SLC6A7: variants seen among roughly 807,000 people sequenced by gnomAD.
SLC6A7 encodes sodium-dependent proline transporter.
Under a neutral mutation model 73.1 loss-of-function variants are expected in SLC6A7, and 58 were observed. The ratio of observed to expected loss-of-function variants is 0.79; its 90% CI spans 0.64 to 0.99. SLC6A7 has a LOEUF of 0.99. Among genes scored for constraint, SLC6A7 ranks in the 50% least tolerant of loss-of-function variants. The probability of loss-of-function intolerance (pLI) is 0.00; values close to 1 mark genes in which losing one functional copy is unlikely to be tolerated. For synonymous variants in SLC6A7, 338 were observed against 338.7 expected, an observed-to-expected ratio of 1.00 and a Z score of 0.02; for missense variants, 783 against 831.4, an observed-to-expected ratio of 0.94 and a Z score of 0.72.
chr5:150,205,758 G>A (rs1580871918), intron 13 of SLC6A7, 135 bp downstream of exon 13: 1 of 763,850 alleles, frequency 1.3e-6, no homozygotes, highest in Non-Finnish European at 2.1e-6. Flanking sequence ...TGCCTGGGCT[G>A]AGGCAGATTC....
chr5:150,209,888 C>A lies in SLC6A7; in HGVS notation c.*273C>A. Reference sequence around the variant, plus strand: ...ACTTTGCGGATGGACATATTAAGGCCAGGAGGGGAGGGACTTGCCCCAGGT... The same window carrying A: ...ACTTTGCGGATGGACATATTAAGGCAAGGAGGGGAGGGACTTGCCCCAGGT... On this transcript the variant is annotated 3_prime_UTR_variant, in exon 14 of 14. Coordinates refer to ENST00000230671, the MANE Select transcript of SLC6A7 (RefSeq NM_014228.5). 1 of 482,368 alleles carries A rather than the reference C, an allele frequency of 2.1e-6. No individual in the cohort carries two copies. The highest frequency in any genetic ancestry group is 2.3e-5 in the South Asian group (1 of 42,892). 29.9% of individuals were successfully genotyped at this position (482,368 alleles called of 1,614,324 possible). A position where few individuals can be genotyped will look rare whatever the true frequency, so the allele number is the denominator to read the frequency against.
rs372382562 is a variant in SLC6A7, at chr5:150,203,627, G to A, written c.1088-40G>A. ...CTGAGTGTGCGTATGGGAGCCCACC[G>A]CATGACCCAAGCTGCTGACCCCGTG... On this transcript the variant is annotated intron_variant, in intron 8 of 13. Coordinates refer to ENST00000230671, the MANE Select transcript of SLC6A7 (RefSeq NM_014228.5). 785 of 1,020,156 alleles carry A rather than the reference G, an allele frequency of 7.7e-4. 7 individuals carry two copies. Among genetic ancestry groups the A allele is most frequent in the South Asian group, 6.1e-3 (482 of 78,964 alleles). The allele number at this position is 1,020,156 out of a possible 1,614,324, so 63.2% of individuals were successfully genotyped here. A position where few individuals can be genotyped will look rare whatever the true frequency, so the allele number is the denominator to read the frequency against.
At chr5:150,208,461 A>G (rs1753805718) in intron 13 of SLC6A7, among the ~76,000 whole-genome samples, 1 of 152,140 alleles carries the variant, frequency 6.6e-6, no homozygotes, top group South Asian at 2.1e-4. Flanking sequence ...TCAGGGAGGT[A>G]GGCAGGGGCC....
chr5:150,198,072 A>AAAG (rs1753135923), intron 4 of SLC6A7, among the ~76,000 whole-genome samples: 1 of 93,886 alleles, frequency 1.1e-5, no homozygotes, highest in African/African-American at 4.7e-5. Flanking sequence ...AGAAAGAAAG[A>AAAG]AAGAAAGAAA....
intron 1 of SLC6A7, among the ~76,000 whole-genome samples, chr5:150,191,500 G>A (rs1250432859): frequency 6.7e-6 from 1 of 150,254 alleles, no homozygotes; most frequent in Admixed American, 6.6e-5. Context: ...GTGTGATCTC[G>A]GCTCACTGCA....
At chr5:150,205,267 C>T (rs1265248151) in intron 12 of SLC6A7, among the ~76,000 whole-genome samples, 189 bp from the exon 13 acceptor site, 2 of 85,814 alleles carry the variant, frequency 2.3e-5, no homozygotes, top group Non-Finnish European at 2.3e-5. Flanking sequence ...GGGTCAGCTT[C>T]AAGATGGGCT....
intron 1 of SLC6A7, among the ~76,000 whole-genome samples, chr5:150,194,198 G>C (rs1179223203): frequency 6.6e-6 from 1 of 152,148 alleles, no homozygotes; most frequent in Non-Finnish European, 1.5e-5. Flanking sequence ...GGGAGGCCGA[G>C]GCGGGTGGAT....
At chr5:150,199,547 C>T (rs1178894658) in intron 5 of SLC6A7, among the ~76,000 whole-genome samples, 181 bp downstream of exon 5, 1 of 152,134 alleles carries the variant, frequency 6.6e-6, no homozygotes, top group African/African-American at 2.4e-5. Flanking sequence ...GGTGAGGACG[C>T]ACGGGGGCAA....
chr5:150,196,794 A>G lies in SLC6A7; in HGVS notation c.296A>G (p.Gln99Arg). 6.2e-7 allele frequency: 1 copy of G among 1,614,036 alleles called. No homozygotes were observed. The highest frequency in any genetic ancestry group is 8.5e-7 in the Non-Finnish European group (1 of 1,179,958). ...TTCTTCCTGGAGCTCTCCCTGGGCCAGTTCTCCAGCCTAGGGCCCCTGGCT... is the reference window on the plus strand; with the variant it reads ...TTCTTCCTGGAGCTCTCCCTGGGCCGGTTCTCCAGCCTAGGGCCCCTGGCT... ...PLFFLELSLG[Q>R]FSSLGPLAVW... Residue 99 changes from glutamine to arginine, a missense_variant, in exon 3 of 14, where the codon CAG becomes CGG. Coordinates refer to ENST00000230671, the MANE Select transcript of SLC6A7 (RefSeq NM_014228.5).
intron 1 of SLC6A7, among the ~76,000 whole-genome samples, chr5:150,192,735 CAG>C (rs1467817099): frequency 5.9e-5 from 9 of 152,194 alleles, no homozygotes; most frequent in Non-Finnish European, 8.8e-5. Flanking sequence ...ACCATGGAAA[CAG>C]AGAACCGGGA....
intron 5 of SLC6A7, among the ~76,000 whole-genome samples, chr5:150,200,354 A>G (rs975563551): frequency 6.6e-6 from 1 of 152,162 alleles, no homozygotes; most frequent in Non-Finnish European, 1.5e-5. Flanking sequence ...TTAGCCGGGC[A>G]TGATGGCAGG....
intron 5 of SLC6A7, among the ~76,000 whole-genome samples, chr5:150,199,718 C>T (rs1753271098): frequency 6.6e-6 from 1 of 152,180 alleles, no homozygotes; most frequent in African/African-American, 2.4e-5. Flanking sequence ...GTGACCAGAA[C>T]CCAGTTATCA....
In SLC6A7 at chr5:150,196,764, C is replaced by T. The variant is rs1331766839; in HGVS notation, c.266C>T (p.Pro89Leu). 10 of 1,614,090 alleles carry T rather than the reference C, an allele frequency of 6.2e-6. No homozygotes were observed. Among genetic ancestry groups the T allele is most frequent in the Non-Finnish European group, 8.5e-6 (10 of 1,179,970 alleles). ...CTCATGCTGGCCATCTGTGGCATCCCCCTCTTCTTCCTGGAGCTCTCCCTG... is the reference window on the plus strand; with the variant it reads ...CTCATGCTGGCCATCTGTGGCATCCTCCTCTTCTTCCTGGAGCTCTCCCTG... ...YFLMLAICGI[P>L]LFFLELSLGQ... The change falls in exon 3 of 14, where the codon CCC becomes CTC. Residue 89 changes from proline to leucine, a missense_variant. Physicochemically the swap from Pro to Leu is moderately conservative, Grantham distance 98. Transcript: ENST00000230671.
In SLC6A7 at chr5:150,194,914, A is replaced by G. The variant is rs1195597371; in HGVS notation, c.217+3A>G. 6.8e-6 allele frequency: 11 copies of G among 1,612,312 alleles called. No homozygotes were observed. The highest frequency in any genetic ancestry group is 9.3e-6 in the Non-Finnish European group (11 of 1,178,608). On this transcript the variant is annotated splice_donor_region_variant and intron_variant, in intron 2 of 13. Transcript: ENST00000230671. The stretch of plus-strand genomic sequence containing the variant: ...TCGAGCGTACACCAATGGAGGAGGT[A>G]TGGGCCTGAGGTCCTGTCGGAGGGT...
intron 11 of SLC6A7, 97 bp downstream of exon 11, chr5:150,204,728 G>T: frequency 7.4e-7 from 1 of 1,356,812 alleles, no homozygotes; most frequent in Non-Finnish European, 1.1e-6. Flanking sequence ...TGGTCCCAAG[G>T]GCCAGGGTTT....
chr5:150,206,768 G>A (rs755373171), intron 13 of SLC6A7, among the ~76,000 whole-genome samples: 8 of 152,194 alleles, frequency 5.3e-5, no homozygotes, highest in Non-Finnish European at 1.0e-4. Context: ...GAGAGCCAGG[G>A]TACCTGCAAA....
chr5:150,206,521 C>T (rs1753708654), intron 13 of SLC6A7, among the ~76,000 whole-genome samples: 1 of 152,256 alleles, frequency 6.6e-6, no homozygotes, highest in Admixed American at 6.5e-5. Flanking sequence ...TACCAGCACA[C>T]TACTGCCTCT....
At chr5:150,191,455 G>A (rs1173749902) in intron 1 of SLC6A7, among the ~76,000 whole-genome samples, 1 of 151,370 alleles carries the variant, frequency 6.6e-6, no homozygotes, top group African/African-American at 2.4e-5. Context: ...TTTTGAGACG[G>A]AGTCTCGCTC....
chr5:150,207,302 C>T (rs956240025), intron 13 of SLC6A7, among the ~76,000 whole-genome samples: 2 of 152,188 alleles, frequency 1.3e-5, no homozygotes, highest in South Asian at 4.1e-4. Flanking sequence ...GTCACCCAGG[C>T]TGGGGTGCAG....
Sources: gnomAD v4.1 joint callset for allele counts (sites outside exome capture counted in the v4.1 genomes callset) on GRCh38, gnomAD v4.1.1 for gene constraint, MANE v1.5 for transcripts, NCBI Gene and HGNC (gene_info 2026-07-23, HGNC 2026-07-21) for gene names.